Variants in EPB41L2 observed in about 807,000 individuals in gnomAD.
EPB41L2 encodes erythrocyte membrane protein band 4.1 like 2.
A neutral mutation model predicts 113.0 loss-of-function variants in EPB41L2; 43 were observed. That is an observed-to-expected ratio of 0.38 (90% CI 0.30 to 0.49). The LOEUF is 0.49. Among genes scored for constraint, EPB41L2 ranks in the 20% least tolerant of loss-of-function variants. EPB41L2 has a pLI of 0.95. For missense variants in EPB41L2, 1,147 were observed against 1,223.4 expected (o/e 0.94, Z 0.93); for synonymous variants, 442 against 436.7 (o/e 1.01, Z -0.15).
intron 1 of EPB41L2, among the ~76,000 whole-genome samples, chr6:131,004,625 C>A (rs938935524): frequency 1.3e-5 from 2 of 152,178 alleles, no homozygotes; most frequent in African/African-American, 4.8e-5. Flanking sequence ...TCCATTCACA[C>A]CAGACAGTGC....
At chr6:130,880,589 A>G in intron 12 of EPB41L2, 1 of 535,210 alleles carries the variant, frequency 1.9e-6, no homozygotes, top group Non-Finnish European at 3.3e-6. Flanking sequence ...ATGGTGAACC[A>G]GTGTTACCAA....
chr6:130,840,024 CTCAAAT>C lies in EPB41L2; in HGVS notation c.*574_*579del, dbSNP rs1775018398. On this transcript the variant is annotated 3_prime_UTR_variant, in exon 20 of 20. Transcript: ENST00000337057. ...ATATAAAAAACATCCCTGTGAAATT[CTCAAAT>C]ATTAGAAAATTTTCAAGATGTAAGA... The C allele has an allele frequency of 6.6e-6, 1 of 152,182 alleles. No homozygotes were observed. The highest frequency in any genetic ancestry group is 1.5e-5 in the Non-Finnish European group (1 of 68,036). 9.4% of individuals were successfully genotyped at this position (152,182 alleles called of 1,614,324 possible). A position where few individuals can be genotyped will look rare whatever the true frequency, so the allele number is the denominator to read the frequency against.
At chr6:131,007,225 C>T (rs1414869354) in intron 1 of EPB41L2, among the ~76,000 whole-genome samples, 6 of 152,156 alleles carry the variant, frequency 3.9e-5, no homozygotes, top group Admixed American at 6.5e-5. Flanking sequence ...ATTCTGTTCT[C>T]GTGACAGTGA....
intron 19 of EPB41L2, among the ~76,000 whole-genome samples, chr6:130,842,384 T>C (rs1017102171): frequency 2.0e-5 from 3 of 152,148 alleles, no homozygotes; most frequent in Admixed American, 6.5e-5. Flanking sequence ...GGGAAATGGA[T>C]ACAATTACCA....
At chr6:130,886,683 G>C (rs1248776115) in intron 11 of EPB41L2, among the ~76,000 whole-genome samples, 1 of 152,088 alleles carries the variant, frequency 6.6e-6, no homozygotes, top group Admixed American at 6.6e-5. Flanking sequence ...ACCCAGGCTG[G>C]AGTGCAGTGG....
intron 10 of EPB41L2, among the ~76,000 whole-genome samples, chr6:130,890,724 T>TC (rs1421296806): frequency 6.6e-6 from 1 of 152,178 alleles, no homozygotes; most frequent in Non-Finnish European, 1.5e-5. Flanking sequence ...ACAGCTGTTC[T>TC]CAGTATATCA....
At chr6:131,050,042 T>G (rs1203167958) in intron 1 of EPB41L2, among the ~76,000 whole-genome samples, 1 of 152,102 alleles carries the variant, frequency 6.6e-6, no homozygotes, top group African/African-American at 2.4e-5. Context: ...AAAATTGTTT[T>G]AAAAATCAAA....
At chr6:131,006,442 A>G (rs1292269539) in intron 1 of EPB41L2, among the ~76,000 whole-genome samples, 1 of 151,640 alleles carries the variant, frequency 6.6e-6, no homozygotes, top group Admixed American at 6.6e-5. Flanking sequence ...CAGGCAGATC[A>G]TTTGAGGTCA....
At chr6:131,038,033 TA>T (rs1361442112) in intron 1 of EPB41L2, among the ~76,000 whole-genome samples, 1 of 152,178 alleles carries the variant, frequency 6.6e-6, no homozygotes, top group Non-Finnish European at 1.5e-5. Flanking sequence ...AAAATACACA[TA>T]AACAGTATCA....
chr6:131,030,891 A>C (rs1262600063), intron 1 of EPB41L2, among the ~76,000 whole-genome samples: 1 of 151,864 alleles, frequency 6.6e-6, no homozygotes, highest in Non-Finnish European at 1.5e-5. Context: ...AGCCCGAGCA[A>C]CATGGCAAAA....
At chr6:130,864,801 G>A (rs1171349419) in intron 17 of EPB41L2, among the ~76,000 whole-genome samples, 1 of 152,142 alleles carries the variant, frequency 6.6e-6, no homozygotes, top group Non-Finnish European at 1.5e-5. Flanking sequence ...AATTGTTGTT[G>A]AAACATGGGT....
Position 130,904,524 on chromosome 6 carries a change from G to A in EPB41L2, c.870C>T (p.Phe290=), listed in dbSNP as rs1038183035. The A allele has an allele frequency of 2.5e-6, 4 of 1,602,910 alleles. No homozygotes were observed. Among genetic ancestry groups the A allele is most frequent in the African/African-American group, 2.7e-5 (2 of 74,712 alleles). ...GAGGATAAAACTTCACATTAAAAGT[G>A]AATAGCCATGGAAGGTCTGTAATTA... ...KRQLRNLPWL[F]TFNVKFYPPD... Residue 290 remains phenylalanine (F), a synonymous_variant, in exon 6 of 20, where the codon TTC becomes TTT. Transcript: ENST00000337057.
chr6:130,866,063 G>C (rs1467460492), intron 16 of EPB41L2, among the ~76,000 whole-genome samples: 3 of 152,298 alleles, frequency 2.0e-5, no homozygotes, highest in Non-Finnish European at 2.9e-5. Flanking sequence ...CCAAGCAACA[G>C]AACCTGACCA....
chr6:130,966,028 T>TA (rs11430432), intron 1 of EPB41L2, among the ~76,000 whole-genome samples: 97,853 of 147,296 alleles, frequency 0.66, 32,762 homozygotes, highest in East Asian at 0.99. Context: ...TGATGAGCTT[T>TA]AAAAAAAAAA....
At chr6:130,983,622 G>A (rs977627347) in intron 1 of EPB41L2, among the ~76,000 whole-genome samples, 18 of 150,426 alleles carry the variant, frequency 1.2e-4, no homozygotes, top group African/African-American at 4.2e-4. Flanking sequence ...TCAACTTCCC[G>A]GGCTCCAGTG....
chr6:130,984,375 C>T (rs1172096694), intron 1 of EPB41L2, among the ~76,000 whole-genome samples: 1 of 152,180 alleles, frequency 6.6e-6, no homozygotes, highest in East Asian at 1.9e-4. Context: ...ATGTACTGTA[C>T]CTAACTGTAT....
chr6:130,973,749 C>T (rs1387782497), intron 1 of EPB41L2, among the ~76,000 whole-genome samples: 3 of 152,178 alleles, frequency 2.0e-5, no homozygotes, highest in South Asian at 4.1e-4. Context: ...AGCCCCCTCC[C>T]CACTGCCTTT....
intron 19 of EPB41L2, among the ~76,000 whole-genome samples, chr6:130,850,453 A>G (rs1778453653): frequency 6.6e-6 from 1 of 152,196 alleles, no homozygotes; most frequent in Non-Finnish European, 1.5e-5. Context: ...ACAGCTGCTG[A>G]AAAATGATGA....
At chr6:131,056,779 G>A (rs1391268458) in intron 1 of EPB41L2, among the ~76,000 whole-genome samples, 1 of 152,152 alleles carries the variant, frequency 6.6e-6, no homozygotes, top group Non-Finnish European at 1.5e-5. Flanking sequence ...GAAATAATTT[G>A]CCCAAGGTCA....
Sources: gnomAD v4.1 joint callset for allele counts (sites outside exome capture counted in the v4.1 genomes callset) on GRCh38, gnomAD v4.1.1 for gene constraint, MANE v1.5 for transcripts, NCBI Gene and HGNC (gene_info 2026-07-23, HGNC 2026-07-21) for gene names.